MPPED2: variants seen among roughly 807,000 people sequenced by gnomAD.
MPPED2 encodes the protein metallophosphoesterase MPPED2.
A neutral mutation model predicts 33.0 loss-of-function variants in MPPED2; 5 were observed. The ratio of observed to expected loss-of-function variants is 0.15; its 90% CI spans 0.08 to 0.32. The LOEUF is 0.32. Among genes scored for constraint, MPPED2 ranks in the 10% least tolerant of loss-of-function variants. The probability of loss-of-function intolerance (pLI) is 1.00; values close to 1 mark genes in which losing one functional copy is unlikely to be tolerated. For synonymous variants in MPPED2, 136 were observed against 141.9 expected, an observed-to-expected ratio of 0.96 and a Z score of 0.29; for missense variants, 275 against 372.1, an observed-to-expected ratio of 0.74 and a Z score of 2.15.
chr11:30,422,692 T>C (rs1235072348), intron 4 of MPPED2, among the ~76,000 whole-genome samples: 1 of 152,156 alleles, frequency 6.6e-6, no homozygotes, highest in Non-Finnish European at 1.5e-5. Flanking sequence ...TGTCTATTGC[T>C]TCAGCCAAAG....
chr11:30,494,809 A>G (rs1478303486), intron 4 of MPPED2, among the ~76,000 whole-genome samples: 1 of 151,800 alleles, frequency 6.6e-6, no homozygotes, highest in African/African-American at 2.4e-5. Flanking sequence ...AAATATTGGA[A>G]AAAGGATTGC....
chr11:30,570,839 T>G (rs1956657575), intron 2 of MPPED2, among the ~76,000 whole-genome samples: 1 of 152,152 alleles, frequency 6.6e-6, no homozygotes, highest in South Asian at 2.1e-4. Flanking sequence ...ATACCACAAG[T>G]AAGCCACTTT....
At chr11:30,586,502 G>A (rs1475299724), upstream of MPPED2, among the ~76,000 whole-genome samples, 1 of 152,056 alleles carries the variant, frequency 6.6e-6, no homozygotes, top group Non-Finnish European at 1.5e-5. The surrounding 1 kb of genome is among the most constrained non-coding windows in gnomAD (Gnocchi z 4.8). Context: ...CCGGTGCCCC[G>A]AAGCCCCAGG....
chr11:30,504,656 T>A (rs1475417606), intron 3 of MPPED2: 5 of 648,546 alleles, frequency 7.7e-6, no homozygotes, highest in Non-Finnish European at 1.2e-5. Context: ...CAGGGCAAGC[T>A]CTGTCTCTGA....
At chr11:30,465,879 G>A (rs1350212295) in intron 4 of MPPED2, among the ~76,000 whole-genome samples, 1 of 152,078 alleles carries the variant, frequency 6.6e-6, no homozygotes, top group Non-Finnish European at 1.5e-5. Context: ...TATACATGGG[G>A]GTCCTGCAAC....
chr11:30,494,778 AAAAGAG>A (rs1484131259), intron 4 of MPPED2, among the ~76,000 whole-genome samples: 2 of 150,642 alleles, frequency 1.3e-5, no homozygotes, highest in African/African-American at 2.4e-5. Flanking sequence ...AGAAAGAAAG[AAAAGAG>A]AAGAAAAGAA....
intron 3 of MPPED2, among the ~76,000 whole-genome samples, chr11:30,497,264 T>TA (rs1302751155): frequency 1.3e-5 from 2 of 152,090 alleles, no homozygotes; most frequent in East Asian, 3.9e-4. Context: ...AGATGAAAGA[T>TA]ATATCAATAG....
At chr11:30,491,778 G>C (rs975718681) in intron 4 of MPPED2, among the ~76,000 whole-genome samples, 1 of 152,160 alleles carries the variant, frequency 6.6e-6, no homozygotes, top group African/African-American at 2.4e-5. Flanking sequence ...GTAGCTCTGG[G>C]AATATTAATT....
chr11:30,464,378 G>A (rs972597071), intron 4 of MPPED2, among the ~76,000 whole-genome samples: 6 of 151,976 alleles, frequency 3.9e-5, no homozygotes, highest in Non-Finnish European at 7.4e-5. Context: ...TTCACAATGA[G>A]GGATCATCCT....
intron 3 of MPPED2, among the ~76,000 whole-genome samples, chr11:30,516,606 G>C (rs1193274686): frequency 2.6e-5 from 4 of 152,126 alleles, no homozygotes; most frequent in African/African-American, 9.7e-5. Context: ...TAACCCCCCA[G>C]TATGGGTAAT....
At chr11:30,571,422 C>A (rs530767791) in intron 2 of MPPED2, among the ~76,000 whole-genome samples, 2 of 152,052 alleles carry the variant, frequency 1.3e-5, no homozygotes, top group East Asian at 3.9e-4. Flanking sequence ...ACAGAGTTTC[C>A]TCTTTGCAGA....
intron 4 of MPPED2, among the ~76,000 whole-genome samples, chr11:30,483,761 T>C (rs1236100086): frequency 1.3e-5 from 2 of 152,178 alleles, no homozygotes; most frequent in African/African-American, 4.8e-5. Flanking sequence ...TCTAGAACCA[T>C]GGCGCTCCAA....
intron 2 of MPPED2, among the ~76,000 whole-genome samples, chr11:30,570,086 G>A (rs956556930): frequency 6.6e-6 from 1 of 151,868 alleles, no homozygotes; most frequent in African/African-American, 2.4e-5. Flanking sequence ...ACCTGCCTTG[G>A]GCTGTTTGAG....
intron 6 of MPPED2, among the ~76,000 whole-genome samples, chr11:30,399,019 A>T (rs976729516): frequency 6.6e-6 from 1 of 152,184 alleles, no homozygotes; most frequent in African/African-American, 2.4e-5. Flanking sequence ...TGACACACAC[A>T]AGTCTGATAT....
chr11:30,558,262 G>A (rs183437197), intron 2 of MPPED2, among the ~76,000 whole-genome samples: 141 of 152,192 alleles, frequency 9.3e-4, no homozygotes, highest in Admixed American at 7.9e-3. Context: ...CCCAATAGTC[G>A]TTCTCATGCT....
intron 3 of MPPED2, among the ~76,000 whole-genome samples, chr11:30,507,844 G>A (rs1218829145): frequency 1.3e-5 from 2 of 152,086 alleles, no homozygotes; most frequent in Non-Finnish European, 2.9e-5. Flanking sequence ...GCCTCCCGCT[G>A]GTATGAAGCA....
chr11:30,393,476 C>G (rs577687641), intron 6 of MPPED2, among the ~76,000 whole-genome samples: 3 of 152,252 alleles, frequency 2.0e-5, no homozygotes, highest in Admixed American at 2.0e-4. Context: ...CAAATCAGCT[C>G]TGTCCAGGGA....
At chr11:30,561,675 AAAG>A (rs1956246720) in intron 2 of MPPED2, among the ~76,000 whole-genome samples, 1 of 152,158 alleles carries the variant, frequency 6.6e-6, no homozygotes, top group African/African-American at 2.4e-5. Flanking sequence ...AGTCCAACAT[AAAG>A]AAGTTTAATG....
chr11:30,542,832 T>C (rs1955201354), intron 2 of MPPED2, among the ~76,000 whole-genome samples: 1 of 152,154 alleles, frequency 6.6e-6, no homozygotes, highest in Non-Finnish European at 1.5e-5. Context: ...AACTTTCAAT[T>C]CACTTATCTT....
Sources: allele counts gnomAD v4.1 joint callset (sites outside exome capture counted in the v4.1 genomes callset), GRCh38; gene constraint gnomAD v4.1.1; non-coding constraint Gnocchi (gnomAD v3.1); transcripts MANE v1.5; gene names NCBI Gene and HGNC (gene_info 2026-07-23, HGNC 2026-07-21).